Variants in KIAA1217 observed in about 807,000 individuals in gnomAD.
KIAA1217 encodes the protein sickle tail protein homolog.
KIAA1217 carries 88 observed loss-of-function variants against 163.9 expected under a neutral mutation model. That is an observed-to-expected ratio of 0.54 (90% CI 0.45 to 0.64). The LOEUF is 0.64. Ranked by LOEUF, KIAA1217 falls within the 30% of genes least tolerant of loss-of-function variation. The pLI is 0.00. For missense variants in KIAA1217, 2,372 were observed against 2,475.0 expected (o/e 0.96, Z 0.88); for synonymous variants, 903 against 923.1 (o/e 0.98, Z 0.39).
At chr10:24,328,927 C>A (rs750629660) in intron 2 of KIAA1217, among the ~76,000 whole-genome samples, 1 of 151,546 alleles carries the variant, frequency 6.6e-6, no homozygotes, top group Non-Finnish European at 1.5e-5. Flanking sequence ...TTATAGGGTT[C>A]GCCAGTAGCA....
intron 2 of KIAA1217, among the ~76,000 whole-genome samples, chr10:24,184,606 T>C (rs2131960084): frequency 6.6e-6 from 1 of 152,336 alleles, no homozygotes; most frequent in Non-Finnish European, 1.5e-5. Flanking sequence ...AAGCCCCATT[T>C]TGGCCTCAAG....
intron 2 of KIAA1217, among the ~76,000 whole-genome samples, chr10:24,165,663 C>T (rs1389452256): frequency 6.6e-6 from 1 of 152,124 alleles, no homozygotes; most frequent in Non-Finnish European, 1.5e-5. Flanking sequence ...TTTGTAACTC[C>T]AAGTGACCAC....
At chr10:23,810,494 A>T (rs1179526643) in intron 1 of KIAA1217, among the ~76,000 whole-genome samples, 1 of 139,952 alleles carries the variant, frequency 7.1e-6, no homozygotes, top group East Asian at 2.0e-4. Flanking sequence ...ATATTATACT[A>T]TGTATAATCT....
intron 2 of KIAA1217, among the ~76,000 whole-genome samples, chr10:24,356,500 T>C (rs140356606): frequency 6.6e-6 from 1 of 152,136 alleles, no homozygotes; most frequent in Non-Finnish European, 1.5e-5. Flanking sequence ...GCCAAGGATG[T>C]TAGGAGGTTG....
intron 1 of KIAA1217, among the ~76,000 whole-genome samples, chr10:23,791,552 A>T (rs1323460003): frequency 6.6e-6 from 1 of 152,246 alleles, no homozygotes; most frequent in Non-Finnish European, 1.5e-5. Context: ...ATATCCAGTC[A>T]GTTCTCTAAT....
chr10:23,875,422 A>G (rs977921816), intron 1 of KIAA1217, among the ~76,000 whole-genome samples: 1 of 151,998 alleles, frequency 6.6e-6, no homozygotes, highest in Non-Finnish European at 1.5e-5. Context: ...GATATCCAAG[A>G]AAAGAGTGGT....
chr10:24,340,302 G>C (rs1335429128), intron 2 of KIAA1217, among the ~76,000 whole-genome samples: 2 of 152,084 alleles, frequency 1.3e-5, no homozygotes, highest in African/African-American at 4.8e-5. Flanking sequence ...TTGAATCATG[G>C]GGGCAGCTTC....
At chr10:24,137,262 C>A (rs779397954) in intron 2 of KIAA1217, among the ~76,000 whole-genome samples, 1 of 152,190 alleles carries the variant, frequency 6.6e-6, no homozygotes, top group African/African-American at 2.4e-5. Context: ...ACCCATAGTT[C>A]CCCCTGCCCC....
intron 2 of KIAA1217, among the ~76,000 whole-genome samples, chr10:24,200,233 G>T (rs1173703839): frequency 6.7e-6 from 1 of 148,944 alleles, no homozygotes; most frequent in African/African-American, 2.5e-5. Context: ...TTTTTTAAGA[G>T]ATGGGGCCTC....
chr10:24,116,094 T>C (rs2063041108), intron 2 of KIAA1217, among the ~76,000 whole-genome samples: 1 of 152,168 alleles, frequency 6.6e-6, no homozygotes, highest in Non-Finnish European at 1.5e-5. Context: ...GATTGTGTCA[T>C]ACTGCAACAC....
intron 2 of KIAA1217, among the ~76,000 whole-genome samples, chr10:24,362,967 C>A (rs2050228423): frequency 6.6e-6 from 1 of 151,576 alleles, no homozygotes; most frequent in Non-Finnish European, 1.5e-5. Flanking sequence ...AAAAGAAAAT[C>A]TTTAATTTGT....
At position 24,546,535 on chromosome 10, in the gene KIAA1217, T is replaced by C. The variant is rs2075729623; in HGVS notation, c.*211T>C. 1.8e-6 allele frequency: 1 copy of C among 545,312 alleles called. No individual in the cohort carries two copies. Among genetic ancestry groups the C allele is most frequent in the Non-Finnish European group, 3.2e-6 (1 of 316,294 alleles). 33.8% of individuals were successfully genotyped at this position (545,312 alleles called of 1,614,324 possible). Reference sequence around the variant, plus strand: ...CCTAGTTGCTATAGTGTCTACAGTCTATACTCAATACCTATAAAATGCAGT... The same window carrying C: ...CCTAGTTGCTATAGTGTCTACAGTCCATACTCAATACCTATAAAATGCAGT... On this transcript the variant is annotated 3_prime_UTR_variant, in exon 21 of 21. Transcript: ENST00000376454.
chr10:24,408,869 A>G (rs1182524773), intron 3 of KIAA1217, among the ~76,000 whole-genome samples: 2 of 151,938 alleles, frequency 1.3e-5, no homozygotes, highest in African/African-American at 2.4e-5. Flanking sequence ...CTGATATAGT[A>G]TACGCTCATT....
intron 1 of KIAA1217, among the ~76,000 whole-genome samples, chr10:23,803,529 A>C (rs1836579056): frequency 6.6e-6 from 1 of 152,190 alleles, no homozygotes; most frequent in Non-Finnish European, 1.5e-5. Flanking sequence ...AATCACAGTC[A>C]GTTTCTCCCT....
chr10:23,696,362 C>A (rs560566813), intron 1 of KIAA1217, among the ~76,000 whole-genome samples: 2 of 152,306 alleles, frequency 1.3e-5, no homozygotes, highest in South Asian at 4.1e-4. Flanking sequence ...GTGGCTAAGG[C>A]ATCTTCTCCG....
chr10:24,504,455 G>A (rs978990587), intron 9 of KIAA1217, among the ~76,000 whole-genome samples: 9 of 152,090 alleles, frequency 5.9e-5, no homozygotes, highest in Non-Finnish European at 1.3e-4. Context: ...CTTTTCAATC[G>A]AGGGAGTCTA....
At position 24,219,649 on chromosome 10, in the gene KIAA1217, G is replaced by T; in HGVS notation, c.94G>T (p.Val32Leu). 1 of 1,607,802 alleles carries T rather than the reference G, an allele frequency of 6.2e-7. No individual in the cohort carries two copies. The highest frequency in any genetic ancestry group is 8.5e-7 in the Non-Finnish European group (1 of 1,176,660). The change falls in exon 2 of 21, where the codon GTA (valine) becomes TTA (leucine). Residue 32 changes from valine (V) to leucine (L), a missense_variant. Transcript: ENST00000376454. ...MQEQGKGNLH[V>L]TSPEDAECRR... ...AGAACAAGGCAAAGGCAATCTGCAT[G>T]TAACATCACCAGAAGATGCAGAATG...
chr10:24,232,113 T>C (rs1163383691), intron 2 of KIAA1217, among the ~76,000 whole-genome samples: 1 of 152,166 alleles, frequency 6.6e-6, no homozygotes, highest in Non-Finnish European at 1.5e-5. Flanking sequence ...ACACTTTGAG[T>C]TGTGACTCAA....
At chr10:23,814,321 G>A (rs1476414830) in intron 1 of KIAA1217, among the ~76,000 whole-genome samples, 1 of 152,166 alleles carries the variant, frequency 6.6e-6, no homozygotes, top group Admixed American at 6.5e-5. Flanking sequence ...TACAATGTGG[G>A]ACACTTAACA....
Sources: allele counts gnomAD v4.1 joint callset (sites outside exome capture counted in the v4.1 genomes callset), GRCh38; gene constraint gnomAD v4.1.1; transcripts MANE v1.5; gene names NCBI Gene and HGNC (gene_info 2026-07-23, HGNC 2026-07-21).